The following WNT7B variants were observed in gnomAD, a reference collection of about 807,000 sequenced individuals.
WNT7B encodes protein Wnt-7b.
A neutral mutation model predicts 38.2 loss-of-function variants in WNT7B; 19 were observed. The ratio of observed to expected loss-of-function variants is 0.50; its 90% CI spans 0.35 to 0.73. The LOEUF is 0.73. WNT7B is among the 30% of genes least tolerant of loss of function. The probability of loss-of-function intolerance (pLI) is 0.01; values close to 1 mark genes in which losing one functional copy is unlikely to be tolerated. For synonymous variants in WNT7B, 243 were observed against 209.3 expected, an observed-to-expected ratio of 1.16 and a Z score of -1.39; for missense variants, 423 against 507.9, an observed-to-expected ratio of 0.83 and a Z score of 1.61.
intron 1 of WNT7B, among the ~76,000 whole-genome samples, chr22:45,970,581 G>A (rs928951856): frequency 2.0e-5 from 3 of 151,040 alleles, no homozygotes; most frequent in African/African-American, 7.3e-5. Flanking sequence ...AGGACTCCTG[G>A]TCTCCCACCC....
Position 45,931,247 on chromosome 22 carries a change from A to T in WNT7B, c.421T>A (p.Tyr141Asn), listed in dbSNP as rs150149400. ...CGCDREKQGY[Y>N]NQAEGWKWGG... ...CACTTCCAGCCCTCGGCTTGGTTGTAGTAGCCCTGCTTCTCGCGGTCGCAG... is the reference window on the plus strand; with the variant it reads ...CACTTCCAGCCCTCGGCTTGGTTGTTGTAGCCCTGCTTCTCGCGGTCGCAG... Residue 141 changes from tyrosine (Y) to asparagine (N), a missense_variant, in exon 3 of 4, where the codon TAC (tyrosine) becomes AAC (asparagine). By Grantham distance (143) the Tyr-to-Asn change is moderately radical (BLOSUM62 -2). Transcript: ENST00000339464. 6.3e-7 allele frequency: 1 copy of T among 1,599,192 alleles called. No individual in the cohort carries two copies. Among genetic ancestry groups the T allele is most frequent in the Non-Finnish European group, 8.5e-7 (1 of 1,179,840 alleles).
intron 3 of WNT7B, among the ~76,000 whole-genome samples, chr22:45,928,962 CAAGCAGGGACCCGAGCTTAAGCCTCCAG>C (rs1291422708): frequency 2.5e-5 from 3 of 117,902 alleles, no homozygotes; most frequent in African/African-American, 1.1e-4. Flanking sequence ...CACTTCCCCA[CAAGCAGGGACCCGAGCTTAAGCCTCCAG>C]AGCCACTCAT....
chr22:45,931,457 T>G (rs1931356752), intron 2 of WNT7B, 88 bp from the exon 3 acceptor site: 2 of 1,404,460 alleles, frequency 1.4e-6, no homozygotes, highest in South Asian at 2.9e-5. Flanking sequence ...TCGATCCACC[T>G]GCTGTTGGCT....
Position 45,922,870 on chromosome 22 carries a change from A to G in WNT7B, c.1036T>C (p.Phe346Leu), listed in dbSNP as rs1468295855. The change falls in exon 4 of 4, where the codon TTC (phenylalanine) becomes CTC (leucine). Residue 346 changes from phenylalanine to leucine, a missense_variant. Phe to Leu is a conservative substitution (Grantham distance 22). Transcript: ENST00000339464. Reference protein sequence around the residue: ...CNTCSERTEVFTCK With the variant: ...CNTCSERTEVLTCK ...CGGGCCTGGCCTCACTTGCAGGTGA[A>G]GACCTCGGTGCGCTCGCTGCAGGTG... The G allele has an allele frequency of 6.3e-7, 1 of 1,597,430 alleles. No homozygotes were observed. The highest frequency in any genetic ancestry group is 2.3e-5 in the East Asian group (1 of 44,398).
intron 1 of WNT7B, 49 bp from the exon 2 acceptor site, chr22:45,950,195 C>G: frequency 6.7e-7 from 1 of 1,500,730 alleles, no homozygotes; most frequent in South Asian, 1.2e-5. Context: ...GGCCAGCGCC[C>G]CTCCTCACCC....
chr22:45,968,842 C>T (rs1041191229), intron 1 of WNT7B, among the ~76,000 whole-genome samples: 5 of 152,206 alleles, frequency 3.3e-5, no homozygotes, highest in African/African-American at 9.6e-5. Context: ...GCCAACTACA[C>T]GTGGCCTGAT....
intron 3 of WNT7B, 134 bp downstream of exon 3, chr22:45,930,964 C>T (rs1476106169): frequency 6.3e-6 from 8 of 1,272,692 alleles, no homozygotes; most frequent in African/African-American, 1.5e-5. Flanking sequence ...GTGGAGGACC[C>T]AGACGGCCCC....
Position 45,965,727 on chromosome 22 carries a change from G to T in WNT7B, c.71+10957C>A, listed in dbSNP as rs576976190. ...GAAGGCCTCTGGGCTTCCCATACCC[G>T]CAGGACAGCTGCACCTCTGGTCCCA... On this transcript the variant is annotated intron_variant, in intron 1 of 3. Coordinates refer to ENST00000339464, the MANE Select transcript of WNT7B (RefSeq NM_058238.3). The surrounding 1 kb of genome is among the most constrained non-coding windows in gnomAD (Gnocchi z 6.5). Among the ~76,000 whole-genome samples, 2 of 152,166 alleles carry T rather than the reference G, an allele frequency of 1.3e-5. 1 individual carries two copies. The highest frequency in any genetic ancestry group is 2.9e-5 in the Non-Finnish European group (2 of 68,022).
At chr22:45,931,392 A>C in intron 2 of WNT7B, 23 bp from the exon 3 acceptor site, 1 of 1,565,554 alleles carries the variant, frequency 6.4e-7, no homozygotes, top group Non-Finnish European at 8.6e-7. Flanking sequence ...ACAGGTGCAG[A>C]AGGTGAGACC....
rs1266345794 is a variant in WNT7B at position 45,920,723 on chromosome 22, AGGGATGAGATGAGGGATGGGATGGGATGG to A, written c.*2104_*2132del. On this transcript the variant is annotated 3_prime_UTR_variant, in exon 4 of 4. Coordinates refer to ENST00000339464, the MANE Select transcript of WNT7B (RefSeq NM_058238.3). ...CAGGGATGGGATGGGGGATGGGATG[AGGGATGAGATGAGGGATGGGATGGGATGG>A]GGGATGAGGGATGGGGGCCGCAGCC... 6 of 48,636 alleles carry A rather than the reference AGGGATGAGATGAGGGATGGGATGGGATGG, an allele frequency of 1.2e-4. No individual in the cohort carries two copies. The East Asian group carries it at 2.6e-3, about 21-fold the overall frequency. The allele number at this position is 48,636 out of a possible 1,614,324, so 3.0% of individuals were successfully genotyped here.
At chr22:45,927,227 C>T (rs748081569) in intron 3 of WNT7B, 37 of 985,318 alleles carry the variant, frequency 3.8e-5, no homozygotes, top group Non-Finnish European at 4.3e-5. Flanking sequence ...GCACTCAGGT[C>T]TCCAAAACCT....
rs1932566172 is a variant in WNT7B, at chr22:45,976,978, T to C, written c.-224A>G. 2 of 986,848 alleles carry C rather than the reference T, an allele frequency of 2.0e-6. No individual in the cohort carries two copies. The highest frequency in any genetic ancestry group is 2.4e-6 in the Non-Finnish European group (2 of 831,420). 61.1% of individuals were successfully genotyped at this position (986,848 alleles called of 1,614,324 possible). ...GTGAGCCCGGGGAATTGACCCAGGC[T>C]GGGGGCCGCGACCTCGAAGCCCGGT... On this transcript the variant is annotated 5_prime_UTR_variant, in exon 1 of 4. Transcript: ENST00000339464. This position sits in a 1 kb window ranked among gnomAD's most constrained non-coding sequence, Gnocchi z 8.5.
intron 2 of WNT7B, among the ~76,000 whole-genome samples, chr22:45,940,310 G>T (rs982587708): frequency 6.6e-6 from 1 of 152,090 alleles, no homozygotes; most frequent in Non-Finnish European, 1.5e-5. Context: ...GACACAGCAG[G>T]TGAGACACCG....
At chr22:45,969,372 G>T (rs1446679886) in intron 1 of WNT7B, among the ~76,000 whole-genome samples, 2 of 152,262 alleles carry the variant, frequency 1.3e-5, no homozygotes, top group East Asian at 1.9e-4. Context: ...GAGCGGAAGA[G>T]ACCTGCCTGG....
intron 1 of WNT7B, among the ~76,000 whole-genome samples, chr22:45,973,637 G>A (rs1327154794): frequency 6.6e-6 from 1 of 152,184 alleles, no homozygotes; most frequent in Non-Finnish European, 1.5e-5. Context: ...GTTCTGCTTT[G>A]GCCTCCTCCA....
rs759330875 is a variant in WNT7B, at chr22:45,931,370, C to T, written c.299-1G>A. On this transcript the variant is annotated splice_acceptor_variant, in intron 2 of 3. Transcript: ENST00000339464. LOFTEE classifies it high-confidence loss of function. ...TACGTGAAGGCAGCCTCACGGCTCC[C>T]TGCGGGGACAGACAGGTGCAGAAGG... 1.3e-6 allele frequency: 2 copies of T among 1,583,742 alleles called. No individual in the cohort carries two copies. Among genetic ancestry groups the T allele is most frequent in the African/African-American group, 2.7e-5 (2 of 74,612 alleles).
intron 3 of WNT7B, 119 bp from the exon 4 acceptor site, chr22:45,923,454 C>T (rs1450109156): frequency 7.5e-5 from 105 of 1,405,014 alleles, no homozygotes; most frequent in Non-Finnish European, 9.6e-5. Flanking sequence ...GCTGTGTGAC[C>T]ACAGGTGAGT....
intron 2 of WNT7B, among the ~76,000 whole-genome samples, chr22:45,933,079 C>G (rs779868164): frequency 2.0e-5 from 3 of 152,158 alleles, no homozygotes; most frequent in African/African-American, 7.2e-5. Context: ...GGTGGGGGTC[C>G]CTCTTCCCCT....
At chr22:45,954,384 C>T (rs1433979610) in intron 1 of WNT7B, among the ~76,000 whole-genome samples, 2 of 152,196 alleles carry the variant, frequency 1.3e-5, no homozygotes, top group Admixed American at 1.3e-4. Flanking sequence ...GAATTGTTCA[C>T]TTAAAAATAG....
Sources: allele counts gnomAD v4.1 joint callset (sites outside exome capture counted in the v4.1 genomes callset), GRCh38; gene constraint gnomAD v4.1.1; non-coding constraint Gnocchi (gnomAD v3.1); transcripts MANE v1.5; gene names NCBI Gene and HGNC (gene_info 2026-07-23, HGNC 2026-07-21).